HMG20A: variants seen among roughly 807,000 people sequenced by gnomAD.
HMG20A encodes high mobility group protein 20A.
In HMG20A, 17 loss-of-function variants were observed where a neutral mutation model predicts 43.9. The observed-to-expected ratio is 0.39, with a 90% CI of 0.27 to 0.58. The LOEUF is 0.58. Ranked by LOEUF, HMG20A falls within the 20% of genes least tolerant of loss-of-function variation. The probability of loss-of-function intolerance (pLI) is 0.59; values close to 1 mark genes in which losing one functional copy is unlikely to be tolerated. For missense variants in HMG20A, 341 were observed against 438.2 expected, an observed-to-expected ratio of 0.78 and a Z score of 1.98; for synonymous variants, 132 against 147.5, an observed-to-expected ratio of 0.89 and a Z score of 0.76.
the HMG20A span, among the ~76,000 whole-genome samples, chr15:77,502,393 C>T: frequency 6.6e-6 from 1 of 152,244 alleles, no homozygotes; most frequent in Non-Finnish European, 1.5e-5. Context: ...CTCTGCTCCT[C>T]TCTATCTAAA....
At chr15:77,503,439 G>A in the HMG20A span, among the ~76,000 whole-genome samples, 3 of 152,160 alleles carry the variant, frequency 2.0e-5, no homozygotes, top group African/African-American at 7.2e-5. Flanking sequence ...TTTCCTGTAA[G>A]CCCTCAGGGT....
chr15:77,427,011 T>C (rs887043709), intron 1 of HMG20A, among the ~76,000 whole-genome samples: 1 of 152,190 alleles, frequency 6.6e-6, no homozygotes, highest in African/African-American at 2.4e-5. Flanking sequence ...GCTTCAGATT[T>C]CTTCTTGATT....
intron 1 of HMG20A, among the ~76,000 whole-genome samples, chr15:77,450,199 G>A (rs980310249): frequency 1.3e-5 from 2 of 151,576 alleles, no homozygotes; most frequent in South Asian, 2.1e-4. Context: ...GCACGATCTC[G>A]GCTCACTGCA....
At chr15:77,460,021 CTT>C (rs982201255) in intron 2 of HMG20A, among the ~76,000 whole-genome samples, 9 of 152,140 alleles carry the variant, frequency 5.9e-5, no homozygotes, top group Admixed American at 1.3e-4. Flanking sequence ...TATGATCTGA[CTT>C]ACGGTTTTAT....
At chr15:77,500,858 C>T in the HMG20A span, among the ~76,000 whole-genome samples, 2 of 151,198 alleles carry the variant, frequency 1.3e-5, no homozygotes, top group Non-Finnish European at 3.0e-5. Flanking sequence ...CATGAGCCAC[C>T]GCGCCTGGCC....
chr15:77,463,408 T>C (rs1444752775), intron 2 of HMG20A, among the ~76,000 whole-genome samples: 1 of 152,232 alleles, frequency 6.6e-6, no homozygotes, highest in Admixed American at 6.5e-5. Context: ...TCTTTCAGAA[T>C]AATGACTGAA....
chr15:77,446,405 A>G (rs1445209725), intron 1 of HMG20A, among the ~76,000 whole-genome samples: 1 of 152,090 alleles, frequency 6.6e-6, no homozygotes, highest in Non-Finnish European at 1.5e-5. Context: ...TAAACTGAAA[A>G]ACATTGTTTT....
Position 77,473,136 on chromosome 15 carries a change from C to T in HMG20A, c.615+1322C>T, listed in dbSNP as rs575240939. 1.2e-4 allele frequency among the ~76,000 whole-genome samples: 18 copies of T among 152,240 alleles called. No individual in the cohort carries two copies. The South Asian group carries it at 2.5e-3, about 21-fold the overall frequency. On this transcript the variant is annotated intron_variant, in intron 6 of 9. Coordinates refer to ENST00000336216, the MANE Select transcript of HMG20A (RefSeq NM_001304504.2). ...GATTCAGATTCACAGGTCAAATAGACGTTATTACCATCTATGAATTATAAA... is the reference window on the plus strand; with the variant it reads ...GATTCAGATTCACAGGTCAAATAGATGTTATTACCATCTATGAATTATAAA...
chr15:77,501,038 C>G, the HMG20A span, among the ~76,000 whole-genome samples: 2 of 152,168 alleles, frequency 1.3e-5, no homozygotes, highest in Non-Finnish European at 2.9e-5. Flanking sequence ...ATCCCTCTTG[C>G]CAGCACCACT....
chr15:77,461,430 T>C (rs925427839), intron 2 of HMG20A, among the ~76,000 whole-genome samples: 2 of 152,268 alleles, frequency 1.3e-5, no homozygotes, highest in East Asian at 1.9e-4. Context: ...ATTGGACTGA[T>C]CCTGTAGAGA....
chr15:77,475,568 C>CT (rs1252029589), intron 6 of HMG20A, among the ~76,000 whole-genome samples: 1 of 152,192 alleles, frequency 6.6e-6, no homozygotes, highest in Non-Finnish European at 1.5e-5. Context: ...AGACGTATAG[C>CT]TTAGGTAACT....
chr15:77,478,492 G>A lies in HMG20A; in HGVS notation c.889G>A (p.Ala297Thr), dbSNP rs1175765835. Reference sequence around the variant, plus strand: ...GCGGCAGGTGCTGACCAGCAGCTTTGCCAGCATGCCCTTGCCTGGTAAGTC... The same window carrying A: ...GCGGCAGGTGCTGACCAGCAGCTTTACCAGCATGCCCTTGCCTGGTAAGTC... ...TLRQVLTSSF[A>T]SMPLPGSGET... is the part of the protein sequence containing the mutation. The change falls in exon 8 of 10, where the codon GCC becomes ACC. Residue 297 changes from alanine (A) to threonine (T), a missense_variant. Ala to Thr is a moderately conservative substitution (Grantham distance 58). This residue lies in a region of HMG20A where 118 missense variants were observed against 154.5 expected (regional missense o/e 0.76). Transcript: ENST00000336216. The A allele has an allele frequency of 5.2e-5, 83 of 1,610,272 alleles. No individual in the cohort carries two copies. The highest frequency in any genetic ancestry group is 6.9e-5 in the Non-Finnish European group (81 of 1,179,986).
At chr15:77,444,399 G>A (rs1185002476) in intron 1 of HMG20A, among the ~76,000 whole-genome samples, 1 of 152,098 alleles carries the variant, frequency 6.6e-6, no homozygotes, top group East Asian at 1.9e-4. Flanking sequence ...ACAGCACTAG[G>A]CAATGCTGAA....
intron 6 of HMG20A, 71 bp downstream of exon 6, chr15:77,471,885 A>AT (rs34188762): frequency 0.028 from 17,461 of 626,222 alleles, 6 homozygotes; most frequent in East Asian, 0.043. Context: ...ATGCTATTGG[A>AT]TTTTTTTTTT....
chr15:77,518,004 G>A, the HMG20A span, among the ~76,000 whole-genome samples: 1 of 94,092 alleles, frequency 1.1e-5, no homozygotes, highest in East Asian at 2.3e-4. Context: ...GTCATTAGCA[G>A]ATGTTAAAAA....
chr15:77,455,098 A>G (rs1358919804), intron 1 of HMG20A, among the ~76,000 whole-genome samples: 3 of 151,772 alleles, frequency 2.0e-5, no homozygotes, highest in East Asian at 1.9e-4. Context: ...AAAAGAGCCA[A>G]CCCCAGAAAC....
At chr15:77,469,714 C>G (rs926323293) in intron 4 of HMG20A, among the ~76,000 whole-genome samples, 10 of 152,166 alleles carry the variant, frequency 6.6e-5, no homozygotes, top group Admixed American at 5.9e-4. Flanking sequence ...GTCGCCCAAA[C>G]TGGAGTGCGG....
At chr15:77,466,041 T>C (rs1450495403) in intron 3 of HMG20A, among the ~76,000 whole-genome samples, 1 of 152,244 alleles carries the variant, frequency 6.6e-6, no homozygotes, top group Non-Finnish European at 1.5e-5. Flanking sequence ...TGATTCAATC[T>C]TTTGATTTAC....
chr15:77,470,012 T>A (rs556219638), intron 4 of HMG20A, among the ~76,000 whole-genome samples: 1 of 152,354 alleles, frequency 6.6e-6, no homozygotes, highest in South Asian at 2.1e-4. Context: ...ATCATTGGTA[T>A]TGTGTCTGTT....
Sources: gnomAD v4.1 joint callset for allele counts (sites outside exome capture counted in the v4.1 genomes callset) on GRCh38, gnomAD v4.1.1 for gene constraint, gnomAD v4.1.1 regional missense constraint, MANE v1.5 for transcripts, NCBI Gene and HGNC (gene_info 2026-07-23, HGNC 2026-07-21) for gene names.